NWD1: variants seen among roughly 807,000 people sequenced by gnomAD.
The protein encoded by NWD1 is NACHT and WD repeat domain containing 1, also known as NACHT domain- and WD repeat-containing protein 1.
NWD1 carries 129 observed loss-of-function variants against 135.1 expected under a neutral mutation model. The ratio of observed to expected loss-of-function variants is 0.96; its 90% CI spans 0.83 to 1.11. The LOEUF is 1.11. Among genes scored for constraint, NWD1 ranks in the 50% least tolerant of loss-of-function variants. NWD1 has a pLI of 0.00. For synonymous variants in NWD1, 773 were observed against 786.0 expected, an observed-to-expected ratio of 0.98 and a Z score of 0.28; for missense variants, 1,740 against 1,851.3, an observed-to-expected ratio of 0.94 and a Z score of 1.10.
chr19:16,732,074 G>A (rs929776726), intron 3 of NWD1, among the ~76,000 whole-genome samples: 1 of 151,836 alleles, frequency 6.6e-6, no homozygotes, highest in African/African-American at 2.4e-5. Context: ...AAAATTAGCC[G>A]GGCGTGGTGG....
At chr19:16,773,101 C>T (rs773835) in intron 10 of NWD1, 25 bp from the exon 11 acceptor site, 111,218 of 1,609,816 alleles carry the variant, frequency 0.069, 12,597 homozygotes, top group African/African-American at 0.52. Context: ...ATCCAGGCAA[C>T]TTAGTCTACA....
Position 16,798,268 on chromosome 19 carries a change from CT to C in NWD1, c.3459+389del, listed in dbSNP as rs139167785. The stretch of plus-strand genomic sequence containing the variant: ...TTAGTCTCAGGCCTCTTGAAGTTCT[CT>C]TTTTTTCCCCCTCCTTCTTATGAGC... On this transcript the variant is annotated intron_variant, in intron 16 of 18. Coordinates refer to ENST00000524140, the MANE Select transcript of NWD1 (RefSeq NM_001007525.5). Among the ~76,000 whole-genome samples, 1,396 of 152,174 alleles carry C rather than the reference CT, an allele frequency of 9.2e-3. 32 individuals are homozygous for C. Among genetic ancestry groups the C allele is most frequent in the African/African-American group, 0.032 (1,325 of 41,516 alleles).
At chr19:16,807,384 T>C (rs920565096) in intron 17 of NWD1, among the ~76,000 whole-genome samples, 2 of 151,984 alleles carry the variant, frequency 1.3e-5, no homozygotes, top group Non-Finnish European at 2.9e-5. Flanking sequence ...TCCCAGCTAC[T>C]CGGGAGGCTG....
intron 15 of NWD1, among the ~76,000 whole-genome samples, chr19:16,795,467 A>G (rs550444323): frequency 7.9e-4 from 110 of 139,296 alleles, no homozygotes; most frequent in African/African-American, 3.0e-3. Flanking sequence ...CGTAGGCTGT[A>G]GTGCAGTGGT....
intron 6 of NWD1, among the ~76,000 whole-genome samples, chr19:16,752,505 T>G (rs1968619901): frequency 7.7e-6 from 1 of 129,068 alleles, no homozygotes; most frequent in African/African-American, 4.0e-5. Flanking sequence ...ACAATTTTTT[T>G]TAATTAGCTG....
In NWD1 at chr19:16,742,137, G is replaced by T. The variant is rs1353333349; in HGVS notation, c.199-2284G>T. ...TGCCTGTAATCCCAACACTTTGGGA[G>T]GCTGAAGCAGGCGGATCACCTGAGA... On this transcript the variant is annotated intron_variant, in intron 4 of 18. Transcript: ENST00000524140. Among the ~76,000 whole-genome samples the T allele has an allele frequency of 2.0e-5, 3 of 151,996 alleles. No individual in the cohort carries two copies. The South Asian group carries it at 6.2e-4, about 32-fold the overall frequency.
intron 13 of NWD1, 36 bp downstream of exon 13, chr19:16,789,226 G>A (rs766800606): frequency 1.3e-6 from 2 of 1,536,768 alleles, no homozygotes; most frequent in South Asian, 1.1e-5. Context: ...AAGGAAAGCT[G>A]AGACCAGAGC....
chr19:16,776,400 TCTACTAAAAATA>T (rs1969600202), intron 11 of NWD1, among the ~76,000 whole-genome samples: 2 of 151,774 alleles, frequency 1.3e-5, no homozygotes, highest in South Asian at 4.2e-4. Flanking sequence ...AAACCCTGTC[TCTACTAAAAATA>T]CAAAAATTAG....
chr19:16,772,991 G>A (rs538760594), intron 10 of NWD1, 135 bp from the exon 11 acceptor site: 12 of 721,132 alleles, frequency 1.7e-5, no homozygotes, highest in African/African-American at 1.0e-4. Flanking sequence ...AGACAGGAGC[G>A]GACAGCAGAG....
intron 4 of NWD1, among the ~76,000 whole-genome samples, chr19:16,740,142 AAAG>A (rs1163053829): frequency 6.6e-6 from 1 of 151,750 alleles, no homozygotes; most frequent in Non-Finnish European, 1.5e-5. Context: ...AAAAAAAAAA[AAAG>A]AACAGTTAGC....
intron 18 of NWD1, among the ~76,000 whole-genome samples, chr19:16,812,544 C>G (rs1432944317): frequency 6.6e-6 from 1 of 151,456 alleles, no homozygotes; most frequent in East Asian, 2.0e-4. Flanking sequence ...TGGCTCATGC[C>G]TGTAATCCTA....
At position 16,807,944 on chromosome 19, in the gene NWD1, C is replaced by T. The variant is rs758274808; in HGVS notation, c.4095C>T (p.Ser1365=). Residue 1365 remains serine, a synonymous_variant, in exon 18 of 19, where the codon AGC becomes AGT. Coordinates refer to ENST00000524140, the MANE Select transcript of NWD1 (RefSeq NM_001007525.5). ...AILTDYRVVY[S]MTNGDLFLYE... ...TGACGGACTACCGCGTGGTCTACAG[C>T]ATGACCAATGGGGACCTCTTTCTTT... 1 of 1,614,154 alleles carries T rather than the reference C, an allele frequency of 6.2e-7. No individual in the cohort carries two copies. The highest frequency in any genetic ancestry group is 2.2e-5 in the East Asian group (1 of 44,878).
intron 17 of NWD1, among the ~76,000 whole-genome samples, chr19:16,805,873 C>CTT (rs201955025): frequency 6.6e-5 from 10 of 150,930 alleles, no homozygotes; most frequent in South Asian, 2.1e-4. Context: ...TCTTTCTTTT[C>CTT]TTCTTTTTTT....
At chr19:16,728,745 C>A (rs1043379195) in intron 2 of NWD1, among the ~76,000 whole-genome samples, 1 of 144,984 alleles carries the variant, frequency 6.9e-6, no homozygotes, top group Admixed American at 6.9e-5. Flanking sequence ...GAGATTGAGA[C>A]CATCCTGGCT....
intron 3 of NWD1, among the ~76,000 whole-genome samples, chr19:16,736,236 T>TTCCTTCCTTC (rs1555717146): frequency 6.0e-4 from 6 of 10,026 alleles, no homozygotes; most frequent in Admixed American, 1.5e-3. Context: ...TACCTTCCTC[T>TTCCTTCCTTC]CTCTCTTTCT....
chr19:16,751,224 C>CAAAAAAAA (rs11307357), intron 6 of NWD1, among the ~76,000 whole-genome samples: 2 of 114,352 alleles, frequency 1.7e-5, no homozygotes, highest in Non-Finnish European at 1.9e-5. Context: ...AACTCGATCT[C>CAAAAAAAA]AAAAAAAAAA....
At chr19:16,723,230 G>T (rs530386101) in intron 1 of NWD1, among the ~76,000 whole-genome samples, 1 of 151,922 alleles carries the variant, frequency 6.6e-6, no homozygotes, top group South Asian at 2.1e-4. Context: ...ATAGGGTCTC[G>T]CTCTGTTGTC....
intron 7 of NWD1, among the ~76,000 whole-genome samples, chr19:16,760,171 G>GACTAAACTAA (rs112199207): frequency 0.033 from 5,019 of 151,404 alleles, 286 homozygotes; most frequent in African/African-American, 0.12. Flanking sequence ...AACTAAACTA[G>GACTAAACTAA]ACTAAACTAA....
rs532455097 is a variant in NWD1, at chr19:16,816,306, A to G, written c.*1267A>G. ...CAGAAATCCAGACTTTTATGCAAAA[A>G]TGTTCTGACTTTTAAAGTTGGCGAT... On this transcript the variant is annotated 3_prime_UTR_variant, in exon 19 of 19. Coordinates refer to ENST00000524140, the MANE Select transcript of NWD1 (RefSeq NM_001007525.5). 1 of 152,292 alleles carries G rather than the reference A, an allele frequency of 6.6e-6. No individual in the cohort carries two copies. The highest frequency in any genetic ancestry group is 2.1e-4 in the South Asian group (1 of 4,830). 9.4% of individuals were successfully genotyped at this position (152,292 alleles called of 1,614,324 possible). A position where few individuals can be genotyped will look rare whatever the true frequency, so the allele number is the denominator to read the frequency against.
Sources: gnomAD v4.1 joint callset for allele counts (sites outside exome capture counted in the v4.1 genomes callset) on GRCh38, gnomAD v4.1.1 for gene constraint, MANE v1.5 for transcripts, NCBI Gene and HGNC (gene_info 2026-07-23, HGNC 2026-07-21) for gene names.